The following FREM1 variants were observed in gnomAD, a reference collection of about 807,000 sequenced individuals.
FREM1 encodes FRAS1 related extracellular matrix 1, also known as FRAS1-related extracellular matrix protein 1.
FREM1 carries 220 observed loss-of-function variants against 210.1 expected under a neutral mutation model. The ratio of observed to expected loss-of-function variants is 1.05; its 90% CI spans 0.94 to 1.17. The LOEUF (loss-of-function observed/expected upper bound fraction) is 1.17, where lower values mean the gene tolerates loss of function less well. FREM1 is among the 50% of genes most tolerant of loss of function. FREM1 has a pLI of 0.00. For synonymous variants in FREM1, 1,189 were observed against 980.2 expected (o/e 1.21, Z -3.98); for missense variants, 3,454 against 2,675.5 (o/e 1.29, Z -6.42).
At chr9:14,819,989 A>G (rs1479927654) in intron 13 of FREM1, among the ~76,000 whole-genome samples, 1 of 152,234 alleles carries the variant, frequency 6.6e-6, no homozygotes, top group Non-Finnish European at 1.5e-5. Context: ...TCCAGAGGAA[A>G]TAGATTTATT....
intron 1 of FREM1, among the ~76,000 whole-genome samples, chr9:14,870,987 T>C (rs10810274): frequency 0.24 from 35,835 of 151,652 alleles, 4,834 homozygotes; most frequent in East Asian, 0.71. Context: ...CATGAACTCA[T>C]CATTTTTTAT....
At chr9:14,781,023 T>C (rs895352392) in intron 24 of FREM1, among the ~76,000 whole-genome samples, 5 of 152,164 alleles carry the variant, frequency 3.3e-5, no homozygotes, top group African/African-American at 1.2e-4. Context: ...AGGAGGTTCC[T>C]TCACACAAAT....
At chr9:14,804,561 G>C (rs1172381401) in intron 19 of FREM1, among the ~76,000 whole-genome samples, 1 of 152,134 alleles carries the variant, frequency 6.6e-6, no homozygotes, top group Non-Finnish European at 1.5e-5. Context: ...CTCCAGCCTG[G>C]GCGACAGAGC....
chr9:14,770,066 C>T (rs1847248434), intron 26 of FREM1, among the ~76,000 whole-genome samples, 198 bp from the exon 27 acceptor site: 3 of 152,158 alleles, frequency 2.0e-5, no homozygotes, highest in Middle Eastern at 3.4e-3. Context: ...AAGTTGACTG[C>T]TTCAGAAATA....
intron 2 of FREM1, among the ~76,000 whole-genome samples, chr9:14,864,896 G>A (rs1395885614): frequency 2.6e-5 from 4 of 152,192 alleles, no homozygotes; most frequent in Non-Finnish European, 5.9e-5. Context: ...AACTAGGAAG[G>A]AGATAAAGCA....
At chr9:14,886,788 C>T (rs988337331) in intron 1 of FREM1, among the ~76,000 whole-genome samples, 3 of 150,502 alleles carry the variant, frequency 2.0e-5, no homozygotes, top group Non-Finnish European at 4.4e-5. Flanking sequence ...GTCCCAGCCA[C>T]TGGGGAGACT....
chr9:14,867,488 G>C (rs1479352853), intron 2 of FREM1, among the ~76,000 whole-genome samples: 1 of 152,188 alleles, frequency 6.6e-6, no homozygotes, highest in Non-Finnish European at 1.5e-5. Flanking sequence ...ACTAGGCAGA[G>C]ACATTTGGTT....
intron 8 of FREM1, among the ~76,000 whole-genome samples, chr9:14,844,942 C>A (rs1179108672): frequency 1.3e-5 from 2 of 152,186 alleles, no homozygotes; most frequent in East Asian, 1.9e-4. Flanking sequence ...GAACACCCAA[C>A]CTGACTGGTA....
At chr9:14,739,463 T>TATATAATTC (rs1841057082) in intron 36 of FREM1, among the ~76,000 whole-genome samples, 1 of 138,326 alleles carries the variant, frequency 7.2e-6, no homozygotes, top group African/African-American at 2.7e-5. Context: ...TATATATATA[T>TATATAATTC]ATATATATAT....
chr9:14,851,729 G>T, intron 5 of FREM1, 122 bp from the exon 6 acceptor site: 1 of 815,316 alleles, frequency 1.2e-6, no homozygotes, highest in Non-Finnish European at 2.1e-6. Flanking sequence ...CCTGAAGCCT[G>T]GCTGCATATT....
At chr9:14,771,700 T>A (rs1311926461) in intron 25 of FREM1, among the ~76,000 whole-genome samples, 2 of 152,178 alleles carry the variant, frequency 1.3e-5, no homozygotes, top group Admixed American at 6.5e-5. Context: ...ACCAACCTGA[T>A]ACTACTGTAA....
intron 28 of FREM1, among the ~76,000 whole-genome samples, chr9:14,758,093 C>T (rs1844760943): frequency 6.6e-6 from 1 of 152,130 alleles, no homozygotes; most frequent in South Asian, 2.1e-4. Context: ...ACAATTCAAA[C>T]CAGGGCAATC....
At chr9:14,753,570 C>A (rs572545304) in intron 29 of FREM1, among the ~76,000 whole-genome samples, 1 of 152,184 alleles carries the variant, frequency 6.6e-6, no homozygotes, top group Admixed American at 6.5e-5. Flanking sequence ...CCAGCTCCCA[C>A]GTAAGAGTTC....
chr9:14,824,027 G>A lies in FREM1; in HGVS notation c.2167C>T (p.Gln723Ter). The A allele has an allele frequency of 6.3e-7, 1 of 1,579,652 alleles. No homozygotes were observed. Among genetic ancestry groups the A allele is most frequent in the Non-Finnish European group, 8.6e-7 (1 of 1,157,744 alleles). Residue 723 changes from glutamine (Q) to a stop codon, truncating the protein, a stop_gained and splice_region_variant, in exon 12 of 37, where the codon CAG (glutamine) becomes TAG (stop). Coordinates refer to ENST00000380880, the MANE Select transcript of FREM1 (RefSeq NM_001379081.2). LOFTEE classifies it high-confidence loss of function. ...PTALELRSFT[Q>*]HAVNYMKVAY... ...AGCATTTTAGCATATCCTCATACCT[G>A]AGTGAATGACCTCAGCTCCAGGGCC...
chr9:14,864,798 C>A (rs1329453357), intron 2 of FREM1, among the ~76,000 whole-genome samples: 1 of 152,182 alleles, frequency 6.6e-6, no homozygotes, highest in Non-Finnish European at 1.5e-5. Context: ...CATTTTCAGA[C>A]AACATAATTC....
At chr9:14,791,924 C>CA (rs1851415053) in intron 22 of FREM1, among the ~76,000 whole-genome samples, 1 of 152,040 alleles carries the variant, frequency 6.6e-6, no homozygotes, top group South Asian at 2.1e-4. Flanking sequence ...CCTCTCCCCC[C>CA]TCTCCCGGGT....
At chr9:14,854,534 A>C (rs1300910818) in intron 5 of FREM1, among the ~76,000 whole-genome samples, 2 of 152,130 alleles carry the variant, frequency 1.3e-5, no homozygotes, top group African/African-American at 4.8e-5. Context: ...TAAGACAAAG[A>C]TTCTTACAAA....
chr9:14,836,967 T>G lies in FREM1; in HGVS notation c.1881+4480A>C, dbSNP rs1167511988. 6.6e-6 allele frequency among the ~76,000 whole-genome samples: 1 copy of G among 152,204 alleles called. No homozygotes were observed. The highest frequency in any genetic ancestry group is 1.5e-5 in the Non-Finnish European group (1 of 68,032). On this transcript the variant is annotated intron_variant, in intron 10 of 36. Coordinates refer to ENST00000380880, the MANE Select transcript of FREM1 (RefSeq NM_001379081.2). The surrounding 1 kb of genome is among the most constrained non-coding windows in gnomAD (Gnocchi z 4.9). Reference sequence around the variant, plus strand: ...TGGGTAGTTTTCGTCTTTTAAAGCATATCCGGAAAAGTTTCTTGTAAAGCC... The same window carrying G: ...TGGGTAGTTTTCGTCTTTTAAAGCAGATCCGGAAAAGTTTCTTGTAAAGCC...
chr9:14,788,086 C>G (rs1480817619), intron 23 of FREM1, among the ~76,000 whole-genome samples: 1 of 151,950 alleles, frequency 6.6e-6, no homozygotes, highest in East Asian at 1.9e-4. Flanking sequence ...TCTGAGCTTC[C>G]TGGCAGCCAA....
Sources: allele counts gnomAD v4.1 joint callset (sites outside exome capture counted in the v4.1 genomes callset), GRCh38; gene constraint gnomAD v4.1.1; non-coding constraint Gnocchi (gnomAD v3.1); transcripts MANE v1.5; gene names NCBI Gene and HGNC (gene_info 2026-07-23, HGNC 2026-07-21).